Variants in ZBTB20 observed in about 807,000 individuals in gnomAD.
ZBTB20 encodes zinc finger and BTB domain-containing protein 20.
ZBTB20 carries 9 observed loss-of-function variants against 56.9 expected under a neutral mutation model. The ratio of observed to expected loss-of-function variants is 0.16; its 90% confidence interval spans 0.10 to 0.28. The LOEUF (loss-of-function observed/expected upper bound fraction) is 0.28. Among genes scored for constraint, ZBTB20 ranks in the 10% least tolerant of loss-of-function variants. The pLI is 1.00. For missense variants in ZBTB20, 655 were observed against 1,003.0 expected (o/e 0.65, Z 4.69); for synonymous variants, 417 against 420.7 (o/e 0.99, Z 0.11).
chr3:114,467,098 G>A (rs966693532), intron 7 of ZBTB20, among the ~76,000 whole-genome samples: 4 of 152,182 alleles, frequency 2.6e-5, no homozygotes, highest in African/African-American at 4.8e-5. Context: ...AGCACAAACT[G>A]TGTCTGGGGT....
At chr3:114,622,740 A>T (rs2058405506) in intron 6 of ZBTB20, among the ~76,000 whole-genome samples, 1 of 152,256 alleles carries the variant, frequency 6.6e-6, no homozygotes, top group South Asian at 2.1e-4. Context: ...TGCAACAGGC[A>T]CATACAATAT....
chr3:114,858,613 G>C (rs950413316), intron 4 of ZBTB20, among the ~76,000 whole-genome samples: 1 of 151,968 alleles, frequency 6.6e-6, no homozygotes, highest in African/African-American at 2.4e-5. Context: ...AATCTTAAGT[G>C]CACATTCCCT....
intron 6 of ZBTB20, among the ~76,000 whole-genome samples, chr3:114,671,465 A>G (rs1201035101): frequency 1.3e-5 from 2 of 152,166 alleles, no homozygotes; most frequent in Non-Finnish European, 2.9e-5. Flanking sequence ...ATCCAAACTG[A>G]TAGTTCTAAA....
intron 2 of ZBTB20, among the ~76,000 whole-genome samples, chr3:115,033,914 A>G (rs960439996): frequency 8.6e-5 from 13 of 151,780 alleles, no homozygotes; most frequent in African/African-American, 2.9e-4. Context: ...ATGACCAAGT[A>G]GGATTTGTCG....
intron 7 of ZBTB20, among the ~76,000 whole-genome samples, chr3:114,462,025 AT>A (rs1409605949): frequency 9.2e-5 from 14 of 152,312 alleles, no homozygotes; most frequent in South Asian, 4.1e-4. Context: ...TAAGATGGAA[AT>A]AATAATAATT....
chr3:114,782,505 T>C (rs2070178799), intron 5 of ZBTB20, among the ~76,000 whole-genome samples: 2 of 152,194 alleles, frequency 1.3e-5, no homozygotes, highest in Admixed American at 1.3e-4. Flanking sequence ...TTTTTGAAGT[T>C]TATACATGTG....
At chr3:114,483,361 G>T (rs1289279097) in intron 7 of ZBTB20, among the ~76,000 whole-genome samples, 1 of 151,936 alleles carries the variant, frequency 6.6e-6, no homozygotes, top group Admixed American at 6.5e-5. Flanking sequence ...AAATAAATGA[G>T]TGAAAGCATG....
At chr3:114,638,636 T>G (rs2059400412) in intron 6 of ZBTB20, among the ~76,000 whole-genome samples, 1 of 152,064 alleles carries the variant, frequency 6.6e-6, no homozygotes, top group Non-Finnish European at 1.5e-5. Context: ...GACTTTTATA[T>G]GTAATGAAAT....
chr3:114,394,651 A>G (rs964956689), intron 7 of ZBTB20, among the ~76,000 whole-genome samples: 1 of 152,156 alleles, frequency 6.6e-6, no homozygotes, highest in African/African-American at 2.4e-5. Flanking sequence ...TGCATTTCTG[A>G]GAAGCTCCCA....
intron 5 of ZBTB20, among the ~76,000 whole-genome samples, chr3:114,784,717 A>G (rs2070368387): frequency 6.6e-6 from 1 of 152,222 alleles, no homozygotes; most frequent in South Asian, 2.1e-4. Flanking sequence ...CCATACTACA[A>G]AAATAAGAAT....
At chr3:114,480,748 A>T (rs1046139162) in intron 7 of ZBTB20, among the ~76,000 whole-genome samples, 1 of 152,198 alleles carries the variant, frequency 6.6e-6, no homozygotes, top group Non-Finnish European at 1.5e-5. Context: ...TTTCAAGCAC[A>T]AAAATGATGA....
At chr3:114,474,869 T>C (rs927544608) in intron 7 of ZBTB20, among the ~76,000 whole-genome samples, 3 of 152,202 alleles carry the variant, frequency 2.0e-5, no homozygotes, top group South Asian at 4.1e-4. Flanking sequence ...CCTGGACTAT[T>C]GTAATAGTCT....
chr3:115,020,301 C>G (rs183454956), intron 2 of ZBTB20, among the ~76,000 whole-genome samples: 6 of 151,066 alleles, frequency 4.0e-5, no homozygotes, highest in Non-Finnish European at 8.9e-5. Context: ...AATTACCAAA[C>G]GTAATACCAA....
chr3:114,528,925 T>C (rs975055825), intron 6 of ZBTB20: 1 of 152,238 alleles, frequency 6.6e-6, no homozygotes, highest in African/African-American at 2.4e-5. Context: ...CTGTGGGCTC[T>C]ACCCATGCAG....
intron 5 of ZBTB20, among the ~76,000 whole-genome samples, chr3:114,755,030 C>T (rs894465741): frequency 2.6e-4 from 40 of 152,104 alleles, no homozygotes; most frequent in Admixed American, 3.9e-4. Flanking sequence ...AACTGCAGAT[C>T]CAGGCTACAT....
At chr3:114,402,762 C>T (rs984794706) in intron 7 of ZBTB20, among the ~76,000 whole-genome samples, 1 of 152,184 alleles carries the variant, frequency 6.6e-6, no homozygotes, top group East Asian at 1.9e-4. Context: ...CAACAGTTTT[C>T]TTCACAAAGG....
At chr3:114,772,230 A>G (rs1248913357) in intron 5 of ZBTB20, among the ~76,000 whole-genome samples, 2 of 152,084 alleles carry the variant, frequency 1.3e-5, no homozygotes, top group Non-Finnish European at 2.9e-5. Context: ...AGTCCCAGCT[A>G]CCTGGGAGGC....
intron 4 of ZBTB20, among the ~76,000 whole-genome samples, chr3:114,822,189 T>C (rs544626082): frequency 1.3e-5 from 2 of 152,212 alleles, no homozygotes; most frequent in Non-Finnish European, 2.9e-5. Context: ...CTACAGAAGT[T>C]GTATGGCACT....
chr3:115,007,035 G>A (rs1244372502), intron 2 of ZBTB20, among the ~76,000 whole-genome samples: 1 of 151,710 alleles, frequency 6.6e-6, no homozygotes, highest in African/African-American at 2.4e-5. Flanking sequence ...TTAATGATGA[G>A]AATAGGAGTA....
Sources: gnomAD v4.1 joint callset for allele counts (sites outside exome capture counted in the v4.1 genomes callset) on GRCh38, gnomAD v4.1.1 for gene constraint, MANE v1.5 for transcripts, NCBI Gene and HGNC (gene_info 2026-07-23, HGNC 2026-07-21) for gene names.